The following PTPRO variants were observed in gnomAD, a reference collection of about 807,000 sequenced individuals.
PTPRO encodes protein tyrosine phosphatase receptor type O.
Under a neutral mutation model 145.2 loss-of-function variants are expected in PTPRO, and 62 were observed. That is an observed-to-expected ratio of 0.43 (90% CI 0.35 to 0.53). PTPRO has a LOEUF of 0.53. PTPRO is among the 20% of genes least tolerant of loss of function. The pLI, the probability that PTPRO is intolerant of heterozygous loss-of-function variation, is 0.01. For missense variants in PTPRO, 1,345 were observed against 1,482.7 expected, an observed-to-expected ratio of 0.91 and a Z score of 1.53; for synonymous variants, 565 against 514.7, an observed-to-expected ratio of 1.10 and a Z score of -1.32.
intron 1 of PTPRO, among the ~76,000 whole-genome samples, chr12:15,421,167 A>T (rs550029439): frequency 6.6e-6 from 1 of 152,302 alleles, no homozygotes; most frequent in South Asian, 2.1e-4. Context: ...AACAATGATG[A>T]CTTTCTACAT....
rs1470483078 is a variant in PTPRO at position 15,526,277 on chromosome 12, C to G, written c.2164+15C>G. The G allele has an allele frequency of 1.2e-6, 2 of 1,613,036 alleles. No individual in the cohort carries two copies. The highest frequency in any genetic ancestry group is 1.7e-6 in the Non-Finnish European group (2 of 1,179,410). On this transcript the variant is annotated intron_variant, in intron 12 of 26. Transcript: ENST00000281171. ...TGTCAAGCTAGGTAAGAAGAGTGCA[C>G]AGAGATGGGTGTGAAATAATCACTA...
chr12:15,359,347 C>T (rs1269595420), intron 1 of PTPRO, among the ~76,000 whole-genome samples: 3 of 151,292 alleles, frequency 2.0e-5, no homozygotes, highest in East Asian at 3.9e-4. Context: ...ATTTTAATGC[C>T]CTTATTAGAT....
rs967860868 is a variant in PTPRO at position 15,406,576 on chromosome 12, A to AT, written c.76-77391dup. 8.7e-4 allele frequency among the ~76,000 whole-genome samples: 133 copies of AT among 152,142 alleles called. 2 individuals carry two copies. Among genetic ancestry groups the AT allele is most frequent in the Non-Finnish European group, 2.6e-4 (18 of 67,992 alleles). On this transcript the variant is annotated intron_variant, in intron 1 of 26. Coordinates refer to ENST00000281171, the MANE Select transcript of PTPRO (RefSeq NM_030667.3). ...ATTTCTGATTAGGCTGATTATATGC[A>AT]TTTTTTTCTCTAATGGACCTCCTTA...
At chr12:15,359,508 T>G (rs1938108075) in intron 1 of PTPRO, among the ~76,000 whole-genome samples, 1 of 149,714 alleles carries the variant, frequency 6.7e-6, no homozygotes, top group Non-Finnish European at 1.5e-5. Context: ...GATCAAGTGA[T>G]TCTCCTACCT....
chr12:15,550,511 G>A (rs554995206), intron 14 of PTPRO, among the ~76,000 whole-genome samples: 2 of 152,296 alleles, frequency 1.3e-5, no homozygotes, highest in African/African-American at 4.8e-5. Context: ...TCAGCTCCAT[G>A]ACAATGTAGC....
Position 15,515,576 on chromosome 12 carries a change from C to T in PTPRO, c.1543C>T (p.Pro515Ser), listed in dbSNP as rs777907233. ...YQVVIYLRKG[P>S]LIGPPSDPVT... ...GGTTGTAATATACCTAAGGAAAGGC[C>T]CTTTGATTGGACCACCTTCAGATCC... Residue 515 changes from proline (P) to serine (S), a missense_variant, in exon 8 of 27, where the codon CCT (proline) becomes TCT (serine). This residue lies in a region of PTPRO where 1,130 missense variants were observed against 1,214.7 expected (regional missense o/e 0.93). Transcript: ENST00000281171. 2.5e-6 allele frequency: 4 copies of T among 1,613,886 alleles called. No homozygotes were observed. Among genetic ancestry groups the T allele is most frequent in the Non-Finnish European group, 3.4e-6 (4 of 1,179,972 alleles).
chr12:15,569,914 T>G (rs1040710406), intron 19 of PTPRO, among the ~76,000 whole-genome samples: 1 of 152,216 alleles, frequency 6.6e-6, no homozygotes, highest in African/African-American at 2.4e-5. Context: ...TGACCCCCTT[T>G]GTGTCCTGGG....
intron 1 of PTPRO, among the ~76,000 whole-genome samples, chr12:15,398,260 G>A (rs1168152513): frequency 6.6e-6 from 1 of 152,148 alleles, no homozygotes; most frequent in Non-Finnish European, 1.5e-5. Context: ...TTGTTTGAAT[G>A]TTCGAAACAA....
chr12:15,509,494 C>T (rs1270191843), intron 7 of PTPRO, among the ~76,000 whole-genome samples: 9 of 151,462 alleles, frequency 5.9e-5, no homozygotes, highest in African/African-American at 1.7e-4. Flanking sequence ...GTCAGGAGTT[C>T]GAGACCAGCC....
At chr12:15,512,351 G>A (rs1286736871) in intron 7 of PTPRO, among the ~76,000 whole-genome samples, 2 of 151,574 alleles carry the variant, frequency 1.3e-5, no homozygotes, top group Admixed American at 6.6e-5. Flanking sequence ...CCAACCTCAG[G>A]TGATCTGCCC....
chr12:15,523,522 C>A (rs551005159), intron 10 of PTPRO, among the ~76,000 whole-genome samples: 139 of 152,266 alleles, frequency 9.1e-4, no homozygotes, highest in Non-Finnish European at 1.6e-3. Context: ...CGCCTGAAAT[C>A]CCAGCACTTT....
intron 1 of PTPRO, among the ~76,000 whole-genome samples, chr12:15,448,359 A>AAAAAAAAAAAAAAAAAAAAAAAC (rs1565635339): frequency 6.7e-6 from 1 of 149,912 alleles, no homozygotes; most frequent in East Asian, 1.9e-4. Flanking sequence ...AAAAAAAAAA[A>AAAAAAAAAAAAAAAAAAAAAAAC]AGCACCGATT....
At chr12:15,477,424 C>T (rs940280245) in intron 1 of PTPRO, among the ~76,000 whole-genome samples, 5 of 150,280 alleles carry the variant, frequency 3.3e-5, no homozygotes, top group Middle Eastern at 3.4e-3. Flanking sequence ...GTGGGCGCAG[C>T]GCACCAGCAT....
intron 1 of PTPRO, among the ~76,000 whole-genome samples, chr12:15,392,468 C>G (rs7305740): frequency 0.021 from 3,244 of 151,422 alleles, 124 homozygotes; most frequent in African/African-American, 0.074. Flanking sequence ...TCCCTATAAT[C>G]CCAGCACTTT....
At chr12:15,487,207 A>G (rs899946595) in intron 2 of PTPRO, among the ~76,000 whole-genome samples, 2 of 152,098 alleles carry the variant, frequency 1.3e-5, no homozygotes, top group African/African-American at 4.8e-5. Context: ...GTGATGTTAG[A>G]TGGGACATTC....
chr12:15,326,897 A>C (rs1013867673), intron 1 of PTPRO, among the ~76,000 whole-genome samples: 1 of 152,250 alleles, frequency 6.6e-6, no homozygotes, highest in African/African-American at 2.4e-5. Context: ...TAATGTTTTC[A>C]TTTAATTACT....
At chr12:15,390,355 T>C (rs945057021) in intron 1 of PTPRO, among the ~76,000 whole-genome samples, 3 of 152,128 alleles carry the variant, frequency 2.0e-5, no homozygotes, top group Admixed American at 6.5e-5. Context: ...CAATTCTGTG[T>C]GGCCGGGGAG....
In PTPRO at chr12:15,508,603, G is replaced by C. The variant is rs371348326; in HGVS notation, c.1300G>C (p.Glu434Gln). 2 of 1,614,034 alleles carry C rather than the reference G, an allele frequency of 1.2e-6. No homozygotes were observed. Among genetic ancestry groups the C allele is most frequent in the African/African-American group, 1.3e-5 (1 of 75,028 alleles). ...AGGAGAGTGGATTGAAGAACTGACC[G>C]AGAAGCCGCAGCACGTGAGTGTCCA... Reference protein sequence around the residue: ...PSGEWIEELTEKPQHVSVHVL... With the variant: ...PSGEWIEELTQKPQHVSVHVL... Residue 434 changes from glutamate to glutamine, a missense_variant, in exon 7 of 27, where the codon GAG becomes CAG. By Grantham distance (29) the Glu-to-Gln change is conservative (BLOSUM62 2). Coordinates refer to ENST00000281171, the MANE Select transcript of PTPRO (RefSeq NM_030667.3).
At position 15,497,363 on chromosome 12, in the gene PTPRO, C is replaced by A; in HGVS notation, c.468C>A (p.Ser156Arg). ...ACGTTTTCACAAGAGTGAACATTAG[C>A]TACTGGGAAGGTAAAGACTTCCGGA... ...KYNVFTRVNISYWEGKDFRTM... is the reference protein window; with the variant it reads ...KYNVFTRVNIRYWEGKDFRTM... The change falls in exon 3 of 27, where the codon AGC becomes AGA. Residue 156 changes from serine (S) to arginine (R), a missense_variant. By Grantham distance (110) the Ser-to-Arg change is moderately radical. Coordinates refer to ENST00000281171, the MANE Select transcript of PTPRO (RefSeq NM_030667.3). The A allele has an allele frequency of 6.2e-7, 1 of 1,613,248 alleles. No individual in the cohort carries two copies. Among genetic ancestry groups the A allele is most frequent in the African/African-American group, 1.3e-5 (1 of 75,016 alleles).
Sources: allele counts gnomAD v4.1 joint callset (sites outside exome capture counted in the v4.1 genomes callset), GRCh38; gene constraint gnomAD v4.1.1; regional missense constraint gnomAD v4.1.1; transcripts MANE v1.5; gene names NCBI Gene and HGNC (gene_info 2026-07-23, HGNC 2026-07-21).